Variants in PRELID2 observed in about 807,000 individuals in gnomAD.
PRELID2 encodes PRELI domain-containing protein 2.
In PRELID2, 25 loss-of-function variants were observed where a neutral mutation model predicts 28.4. The ratio of observed to expected loss-of-function variants is 0.88; its 90% CI spans 0.64 to 1.23. The LOEUF (loss-of-function observed/expected upper bound fraction) is 1.23. Ranked by LOEUF, PRELID2 falls within the 50% of genes most tolerant of loss-of-function variation. The probability of loss-of-function intolerance (pLI) is 0.00; values close to 1 mark genes in which losing one functional copy is unlikely to be tolerated. For synonymous variants in PRELID2, 76 were observed against 71.6 expected (o/e 1.06, Z -0.31); for missense variants, 201 against 214.4 (o/e 0.94, Z 0.39).
chr5:145,359,077 G>A, the PRELID2 span, among the ~76,000 whole-genome samples: 1 of 152,142 alleles, frequency 6.6e-6, no homozygotes, highest in African/African-American at 2.4e-5. Flanking sequence ...GGTGATTACT[G>A]ATGGATGCAC....
At chr5:145,790,872 C>T (rs1323993637) in intron 5 of PRELID2, among the ~76,000 whole-genome samples, 2 of 133,074 alleles carry the variant, frequency 1.5e-5, no homozygotes, top group Middle Eastern at 3.4e-3. Context: ...TATAATTAAT[C>T]CAGCAATTTC....
chr5:145,820,046 A>C (rs1401324569), intron 2 of PRELID2, 28 bp from the exon 3 acceptor site: 2 of 1,330,730 alleles, frequency 1.5e-6, no homozygotes, highest in African/African-American at 3.0e-5. Context: ...TTACACAAAA[A>C]AAAATTAAAG....
At chr5:145,435,707 T>G in the PRELID2 span, among the ~76,000 whole-genome samples, 2 of 152,262 alleles carry the variant, frequency 1.3e-5, no homozygotes, top group East Asian at 3.9e-4. Flanking sequence ...TAAAGGGACT[T>G]TATAATATTT....
chr5:145,559,849 A>AAAG (rs1554076315), intron 1 of PRELID2, among the ~76,000 whole-genome samples: 1 of 148,654 alleles, frequency 6.7e-6, no homozygotes, highest in Non-Finnish European at 1.5e-5. Context: ...AAAAAAAAAA[A>AAAG]AAGAAGAAGA....
the PRELID2 span, among the ~76,000 whole-genome samples, chr5:145,409,025 CA>C: frequency 4.9e-3 from 748 of 152,280 alleles, 1 homozygote; most frequent in Middle Eastern, 0.01. Context: ...GATTTCTCAG[CA>C]GAAACCCTAC....
chr5:145,697,063 A>ATATC (rs1326856362), intron 1 of PRELID2, among the ~76,000 whole-genome samples: 1 of 124,918 alleles, frequency 8.0e-6, no homozygotes, highest in Non-Finnish European at 1.6e-5. Flanking sequence ...ATATATATAT[A>ATATC]TATATATATA....
At chr5:145,515,284 C>T (rs1752505580) in intron 1 of PRELID2, among the ~76,000 whole-genome samples, 1 of 152,082 alleles carries the variant, frequency 6.6e-6, no homozygotes. Flanking sequence ...AGAGAAGAAT[C>T]AAATAGACAC....
At chr5:145,393,962 G>A in the PRELID2 span, among the ~76,000 whole-genome samples, 1 of 152,088 alleles carries the variant, frequency 6.6e-6, no homozygotes, top group East Asian at 1.9e-4. Context: ...AGACAGTCAG[G>A]ACACTTTTAC....
At chr5:145,548,186 T>A (rs1210489551) in intron 1 of PRELID2, among the ~76,000 whole-genome samples, 1 of 152,238 alleles carries the variant, frequency 6.6e-6, no homozygotes, top group Non-Finnish European at 1.5e-5. Context: ...ATAAATCTTG[T>A]GTTATTTCAT....
chr5:145,669,275 A>T (rs1421735590), intron 1 of PRELID2, among the ~76,000 whole-genome samples: 2 of 152,148 alleles, frequency 1.3e-5, no homozygotes, highest in East Asian at 3.9e-4. Context: ...TTGGCTATAA[A>T]TGAACAGTAA....
At chr5:145,677,882 G>T (rs182571681) in intron 1 of PRELID2, among the ~76,000 whole-genome samples, 1 of 152,150 alleles carries the variant, frequency 6.6e-6, no homozygotes, top group Non-Finnish European at 1.5e-5. Flanking sequence ...GGGAGGCCGC[G>T]GTGGGTGGGG....
chr5:145,418,240 G>A, the PRELID2 span, among the ~76,000 whole-genome samples: 2 of 151,966 alleles, frequency 1.3e-5, no homozygotes, highest in African/African-American at 4.8e-5. Flanking sequence ...AATAAGAAAG[G>A]ACATAAACAA....
At chr5:145,564,518 G>A (rs1435882360) in intron 1 of PRELID2, among the ~76,000 whole-genome samples, 2 of 152,152 alleles carry the variant, frequency 1.3e-5, no homozygotes, top group African/African-American at 2.4e-5. Flanking sequence ...CAGTTTCAGT[G>A]TCACCCCCAT....
chr5:145,659,834 T>C (rs1486716525), intron 1 of PRELID2, among the ~76,000 whole-genome samples: 1 of 152,204 alleles, frequency 6.6e-6, no homozygotes, highest in Non-Finnish European at 1.5e-5. Context: ...ACACTGTAAT[T>C]GAATACTTAC....
the PRELID2 span, among the ~76,000 whole-genome samples, chr5:145,375,315 G>C: frequency 1.3e-5 from 2 of 152,062 alleles, no homozygotes; most frequent in African/African-American, 4.8e-5. Flanking sequence ...TGTCACTCAA[G>C]GAGGCTGGAT....
the PRELID2 span, among the ~76,000 whole-genome samples, chr5:145,238,309 C>T: frequency 6.6e-6 from 1 of 152,100 alleles, no homozygotes. Context: ...GTAGTTTGCT[C>T]AACAAATAGA....
chr5:145,320,481 G>C, the PRELID2 span, among the ~76,000 whole-genome samples: 2 of 152,014 alleles, frequency 1.3e-5, no homozygotes, highest in East Asian at 3.9e-4. Flanking sequence ...CACCATTTTA[G>C]CCGGGATGGT....
chr5:145,623,439 C>T (rs1420586801), intron 1 of PRELID2, among the ~76,000 whole-genome samples: 1 of 150,368 alleles, frequency 6.7e-6, no homozygotes, highest in Non-Finnish European at 1.5e-5. Flanking sequence ...TGGAGCAAAA[C>T]TCCTTCTCAA....
intron 1 of PRELID2, among the ~76,000 whole-genome samples, chr5:145,672,093 T>C (rs556591301): frequency 2.6e-5 from 4 of 152,204 alleles, no homozygotes; most frequent in African/African-American, 9.6e-5. Context: ...ACTTCTTCCA[T>C]GGCTCACTTG....
Sources: allele counts gnomAD v4.1 joint callset (sites outside exome capture counted in the v4.1 genomes callset), GRCh38; gene constraint gnomAD v4.1.1; transcripts MANE v1.5; gene names NCBI Gene and HGNC (gene_info 2026-07-23, HGNC 2026-07-21).